MYO9A: variants seen among roughly 807,000 people sequenced by gnomAD.
MYO9A encodes unconventional myosin-IXa.
A neutral mutation model predicts 293.3 loss-of-function variants in MYO9A; 103 were observed. That is an observed-to-expected ratio of 0.35 (90% CI 0.30 to 0.41). MYO9A has a LOEUF of 0.41. MYO9A is among the 10% of genes least tolerant of loss of function. MYO9A has a pLI of 1.00. For missense variants in MYO9A, 2,685 were observed against 3,033.0 expected (o/e 0.89, Z 2.69); for synonymous variants, 1,001 against 1,035.7 (o/e 0.97, Z 0.64).
intron 10 of MYO9A, among the ~76,000 whole-genome samples, chr15:71,991,933 T>C (rs2076552770): frequency 6.6e-6 from 1 of 152,170 alleles, no homozygotes; most frequent in Non-Finnish European, 1.5e-5. Context: ...TTTTTGTATT[T>C]TTGGTAGAGA....
rs773533347 is a variant in MYO9A, at chr15:71,935,307, C to CA, written c.2522+33dup. The stretch of plus-strand genomic sequence containing the variant: ...TTTAAACCAGACAAAAAACAAAAAA[C>CA]AAAAAACAATTTACATTACTGATTA... On this transcript the variant is annotated intron_variant, in intron 17 of 41. Transcript: ENST00000356056. 1.2e-5 allele frequency: 18 copies of CA among 1,520,652 alleles called. No homozygotes were observed. The African/African-American group carries it at 2.4e-4, about 20-fold the overall frequency. The allele number at this position is 1,520,652 out of a possible 1,614,324, so 94.2% of individuals were successfully genotyped here.
chr15:71,951,599 A>T, intron 15 of MYO9A, 178 bp downstream of exon 15: 1 of 591,820 alleles, frequency 1.7e-6, no homozygotes, highest in African/African-American at 1.9e-5. Flanking sequence ...TTAAAAAAGT[A>T]TATCAGTATT....
chr15:71,849,240 A>G (rs897110300), intron 38 of MYO9A, among the ~76,000 whole-genome samples: 2 of 152,148 alleles, frequency 1.3e-5, no homozygotes, highest in South Asian at 2.1e-4. Flanking sequence ...ACCTGAGGTC[A>G]GGAGTTCGAG....
chr15:72,026,069 C>A (rs990661492), intron 4 of MYO9A, among the ~76,000 whole-genome samples: 1 of 151,676 alleles, frequency 6.6e-6, no homozygotes, highest in Non-Finnish European at 1.5e-5. Context: ...GTCAGGAGAT[C>A]GAGACCATCC....
At chr15:71,962,758 T>C (rs979775466) in intron 13 of MYO9A, among the ~76,000 whole-genome samples, 1 of 152,194 alleles carries the variant, frequency 6.6e-6, no homozygotes, top group Non-Finnish European at 1.5e-5. Flanking sequence ...GTGCAGAAAC[T>C]GAAACACCAG....
At chr15:72,061,936 T>C (rs2078890204) in intron 1 of MYO9A, among the ~76,000 whole-genome samples, 1 of 152,112 alleles carries the variant, frequency 6.6e-6, no homozygotes, top group Non-Finnish European at 1.5e-5. Context: ...GTCCAAGAGG[T>C]GGTGGTCACG....
intron 36 of MYO9A, among the ~76,000 whole-genome samples, chr15:71,851,655 A>G (rs1156238921): frequency 6.6e-6 from 1 of 152,154 alleles, no homozygotes; most frequent in African/African-American, 2.4e-5. Context: ...CATTAAAGTC[A>G]ACATAATTTA....
At chr15:71,939,047 T>C (rs1273768541) in intron 15 of MYO9A, 120 bp from the exon 16 acceptor site, 6 of 668,710 alleles carry the variant, frequency 9.0e-6, no homozygotes, top group Non-Finnish European at 1.5e-5. Context: ...ATTTCAGAAA[T>C]ATCTAAATAA....
Position 71,848,838 on chromosome 15 carries a change from A to G in MYO9A, c.6837+7T>C. The G allele has an allele frequency of 6.2e-7, 1 of 1,601,286 alleles. No homozygotes were observed. The highest frequency in any genetic ancestry group is 8.5e-7 in the Non-Finnish European group (1 of 1,176,486). On this transcript the variant is annotated splice_region_variant and intron_variant, in intron 39 of 41. Transcript: ENST00000356056. ...ATTTTTCCACTATTCCATGTGTTGC[A>G]TCTTACCATTGATCTACGAATCAGT...
intron 4 of MYO9A, among the ~76,000 whole-genome samples, chr15:72,025,368 A>T (rs911493784): frequency 6.6e-6 from 1 of 152,098 alleles, no homozygotes; most frequent in Non-Finnish European, 1.5e-5. Context: ...GAGCAAAAAA[A>T]CTTTTTTTTT....
chr15:71,848,297 A>G (rs1270752536), intron 39 of MYO9A, among the ~76,000 whole-genome samples: 2 of 151,992 alleles, frequency 1.3e-5, no homozygotes, highest in Non-Finnish European at 2.9e-5. Flanking sequence ...GGGCAAACCA[A>G]GGAAATAAAT....
Position 71,897,953 on chromosome 15 carries a change from C to A in MYO9A, c.4550G>T (p.Arg1517Leu), listed in dbSNP as rs149046541. 5 of 1,613,984 alleles carry A rather than the reference C, an allele frequency of 3.1e-6. No homozygotes were observed. The Admixed American group carries it at 5.0e-5, about 16-fold the overall frequency. ...QNEKEMMEQI[R>L]QQTDILEKER... ...CTTCTCTAAAATATCTGTTTGCTGGCGAATCTGTTCCATCATCTCTTTTTC... is the reference window on the plus strand; with the variant it reads ...CTTCTCTAAAATATCTGTTTGCTGGAGAATCTGTTCCATCATCTCTTTTTC... Residue 1517 changes from arginine to leucine, a missense_variant, in exon 25 of 42, where the codon CGC (arginine) becomes CTC (leucine). Transcript: ENST00000356056.
chr15:72,043,109 T>G (rs2078275249), intron 2 of MYO9A, among the ~76,000 whole-genome samples: 1 of 152,038 alleles, frequency 6.6e-6, no homozygotes, highest in Non-Finnish European at 1.5e-5. Flanking sequence ...CACTAATATT[T>G]AAGTCTAGCC....
chr15:71,981,405 C>T (rs181081341), intron 11 of MYO9A, among the ~76,000 whole-genome samples: 2 of 152,352 alleles, frequency 1.3e-5, no homozygotes, highest in Admixed American at 6.5e-5. Flanking sequence ...GCCACCATGG[C>T]TTGCAATGTT....
At chr15:72,084,540 C>T (rs2079654129) in intron 1 of MYO9A, among the ~76,000 whole-genome samples, 1 of 152,146 alleles carries the variant, frequency 6.6e-6, no homozygotes, top group African/African-American at 2.4e-5. Flanking sequence ...GTTATGCAGA[C>T]TTGTGTGGCT....
intron 14 of MYO9A, among the ~76,000 whole-genome samples, chr15:71,952,248 T>C (rs746518434): frequency 3.3e-5 from 5 of 152,208 alleles, no homozygotes; most frequent in Non-Finnish European, 5.9e-5. Flanking sequence ...CAAATATAAT[T>C]AACATATAGT....
chr15:71,828,003 AGC>A lies in MYO9A; in HGVS notation c.7062_7063del (p.Met2354IlefsTer9). 1 of 1,613,748 alleles carries A rather than the reference AGC, an allele frequency of 6.2e-7. No individual in the cohort carries two copies. The highest frequency in any genetic ancestry group is 2.2e-5 in the East Asian group (1 of 44,868). On this transcript the variant is annotated frameshift_variant, in exon 41 of 42. Transcript: ENST00000356056. LOFTEE classifies it high-confidence loss of function. ...ATCAGAGGCACGGGGTTCCAGTACA[AGC>A]ATCTCAAATGTTAGCTCCTCCCTGT...
At chr15:71,843,464 G>C (rs1023049857) in intron 39 of MYO9A, among the ~76,000 whole-genome samples, 1 of 151,978 alleles carries the variant, frequency 6.6e-6, no homozygotes, top group African/African-American at 2.4e-5. Context: ...AAATAGATTA[G>C]TCTTAGGATT....
intron 1 of MYO9A, among the ~76,000 whole-genome samples, chr15:72,070,475 G>A (rs2079158070): frequency 1.3e-5 from 2 of 151,484 alleles, no homozygotes; most frequent in South Asian, 2.1e-4. Context: ...AAAAGAATGA[G>A]GGGCAGGCCT....
Sources: gnomAD v4.1 joint callset for allele counts (sites outside exome capture counted in the v4.1 genomes callset) on GRCh38, gnomAD v4.1.1 for gene constraint, MANE v1.5 for transcripts, NCBI Gene and HGNC (gene_info 2026-07-23, HGNC 2026-07-21) for gene names.